The following PACRG variants were observed in gnomAD, a reference collection of about 807,000 sequenced individuals.
PACRG encodes the protein parkin coregulated.
Under a neutral mutation model 29.7 loss-of-function variants are expected in PACRG, and 29 were observed. That is an observed-to-expected ratio of 0.98 (90% CI 0.73 to 1.33). The LOEUF (loss-of-function observed/expected upper bound fraction) is 1.33. Ranked by LOEUF, PACRG falls within the 40% of genes most tolerant of loss-of-function variation. The pLI is 0.00. For synonymous variants in PACRG, 116 were observed against 118.7 expected (o/e 0.98, Z 0.15); for missense variants, 279 against 316.2 (o/e 0.88, Z 0.89).
chr6:162,996,173 A>G (rs1025535804), intron 2 of PACRG, among the ~76,000 whole-genome samples: 1 of 152,158 alleles, frequency 6.6e-6, no homozygotes, highest in African/African-American at 2.4e-5. Context: ...GCACAGAGAT[A>G]ATTATGTGAG....
At chr6:162,966,403 G>A (rs1801021772) in intron 2 of PACRG, among the ~76,000 whole-genome samples, 1 of 151,934 alleles carries the variant, frequency 6.6e-6, no homozygotes, top group Non-Finnish European at 1.5e-5. Context: ...GGTATCCTAA[G>A]TGCTGACACA....
intron 4 of PACRG, among the ~76,000 whole-genome samples, chr6:163,236,847 A>C (rs2128166121): frequency 6.6e-6 from 1 of 152,322 alleles, no homozygotes; most frequent in East Asian, 1.9e-4. Flanking sequence ...GGGAGGCCTC[A>C]GGAAACTTAC....
intron 2 of PACRG, among the ~76,000 whole-genome samples, chr6:163,034,775 G>A (rs1808004816): frequency 6.6e-6 from 1 of 152,162 alleles, no homozygotes. Context: ...ATGTTACAGG[G>A]AAGGGGTCCT....
chr6:163,251,807 G>A (rs1272022136), intron 4 of PACRG, among the ~76,000 whole-genome samples: 1 of 152,174 alleles, frequency 6.6e-6, no homozygotes, highest in Non-Finnish European at 1.5e-5. Context: ...ATGGGCTTGC[G>A]ATCATAGTTA....
intron 2 of PACRG, among the ~76,000 whole-genome samples, chr6:162,928,798 C>T (rs760091850): frequency 4.0e-5 from 6 of 151,730 alleles, no homozygotes; most frequent in Non-Finnish European, 8.8e-5. Flanking sequence ...CTGGTAACAA[C>T]CAATTTGTTT....
At chr6:163,199,345 A>G (rs1780599410) in intron 4 of PACRG, among the ~76,000 whole-genome samples, 1 of 152,214 alleles carries the variant, frequency 6.6e-6, no homozygotes, top group Non-Finnish European at 1.5e-5. Context: ...CACTTTCACC[A>G]GAGGGCCTTC....
chr6:163,151,423 C>T (rs1234674534), intron 4 of PACRG, among the ~76,000 whole-genome samples: 9 of 152,166 alleles, frequency 5.9e-5, no homozygotes, highest in Non-Finnish European at 1.2e-4. Context: ...CATATGTTCC[C>T]GTCCTCATCG....
intron 2 of PACRG, among the ~76,000 whole-genome samples, chr6:162,904,501 G>T (rs1795794504): frequency 6.6e-6 from 1 of 152,178 alleles, no homozygotes; most frequent in Admixed American, 6.5e-5. Flanking sequence ...TCCGATTCCT[G>T]GATACAGCCG....
intron 1 of PACRG, among the ~76,000 whole-genome samples, chr6:162,744,550 A>G (rs1382994914): frequency 4.6e-5 from 7 of 152,170 alleles, no homozygotes; most frequent in Non-Finnish European, 7.4e-5. Flanking sequence ...AGCTGTGATC[A>G]TCACTGCACT....
At chr6:163,186,785 A>T (rs1779958201) in intron 4 of PACRG, among the ~76,000 whole-genome samples, 2 of 152,058 alleles carry the variant, frequency 1.3e-5, no homozygotes. Flanking sequence ...TTTCCTCTCC[A>T]CCGCTCTGCT....
At chr6:162,956,047 C>T (rs138143601) in intron 2 of PACRG, among the ~76,000 whole-genome samples, 173 of 152,300 alleles carry the variant, frequency 1.1e-3, no homozygotes, top group Non-Finnish European at 1.8e-3. Context: ...TTTCTCTTTG[C>T]TCCCCAGGGC....
chr6:163,018,933 C>T (rs987340688), intron 2 of PACRG, among the ~76,000 whole-genome samples: 4 of 151,984 alleles, frequency 2.6e-5, no homozygotes, highest in African/African-American at 7.2e-5. Context: ...TTTTTGTCTC[C>T]TGTGTTTCTT....
intron 4 of PACRG, among the ~76,000 whole-genome samples, chr6:163,174,889 A>C (rs1036030104): frequency 6.6e-6 from 1 of 152,052 alleles, no homozygotes; most frequent in Non-Finnish European, 1.5e-5. Flanking sequence ...CACGTAAATA[A>C]ATAGAGGGGT....
At chr6:162,971,839 C>T (rs546258388) in intron 2 of PACRG, among the ~76,000 whole-genome samples, 1 of 152,338 alleles carries the variant, frequency 6.6e-6, no homozygotes, top group South Asian at 2.1e-4. Context: ...CTCTTCCTTT[C>T]CCTGAGTGTT....
chr6:162,868,010 C>G (rs887173146), intron 2 of PACRG, among the ~76,000 whole-genome samples: 1 of 152,202 alleles, frequency 6.6e-6, no homozygotes, highest in Non-Finnish European at 1.5e-5. Context: ...GTATTGCAGG[C>G]GCCATTTACC....
chr6:162,800,860 A>G (rs1205113229), intron 1 of PACRG, among the ~76,000 whole-genome samples: 1 of 152,106 alleles, frequency 6.6e-6, no homozygotes, highest in African/African-American at 2.4e-5. Flanking sequence ...TAGGATGCTC[A>G]CTCAACATGT....
At chr6:163,059,466 T>TTA (rs1171850984) in intron 2 of PACRG, among the ~76,000 whole-genome samples, 1 of 152,172 alleles carries the variant, frequency 6.6e-6, no homozygotes, top group Non-Finnish European at 1.5e-5. Context: ...AATAAACCAG[T>TTA]TATAGCAATA....
intron 2 of PACRG, among the ~76,000 whole-genome samples, chr6:162,965,887 C>G (rs966427449): frequency 6.6e-6 from 1 of 152,200 alleles, no homozygotes; most frequent in African/African-American, 2.4e-5. Context: ...AATAAGGAGG[C>G]TAAAGCTGGA....
chr6:163,025,876 C>T (rs916735726), intron 2 of PACRG, among the ~76,000 whole-genome samples: 11 of 152,170 alleles, frequency 7.2e-5, no homozygotes, highest in South Asian at 4.1e-4. Flanking sequence ...AGATGAGTGT[C>T]CAGTTTAGGC....
Sources: allele counts gnomAD v4.1 joint callset (sites outside exome capture counted in the v4.1 genomes callset), GRCh38; gene constraint gnomAD v4.1.1; transcripts MANE v1.5; gene names NCBI Gene and HGNC (gene_info 2026-07-23, HGNC 2026-07-21).